The following DOCK10 variants were observed in gnomAD, a reference collection of about 807,000 sequenced individuals.
The protein encoded by DOCK10 is dedicator of cytokinesis 10.
In DOCK10, 145 loss-of-function variants were observed where a neutral mutation model predicts 280.1. The ratio of observed to expected loss-of-function variants is 0.52; its 90% CI spans 0.45 to 0.59. The LOEUF (loss-of-function observed/expected upper bound fraction) is 0.59. Among genes scored for constraint, DOCK10 ranks in the 20% least tolerant of loss-of-function variants. The pLI is 0.00. For synonymous variants in DOCK10, 915 were observed against 942.2 expected, an observed-to-expected ratio of 0.97 and a Z score of 0.53; for missense variants, 2,368 against 2,651.7, an observed-to-expected ratio of 0.89 and a Z score of 2.35.
chr2:225,025,591 T>C (rs1385141720), intron 1 of DOCK10, among the ~76,000 whole-genome samples: 2 of 152,176 alleles, frequency 1.3e-5, no homozygotes, highest in Non-Finnish European at 2.9e-5. Context: ...TTCCTCACAA[T>C]CACATTTCAT....
intron 4 of DOCK10, among the ~76,000 whole-genome samples, chr2:224,891,245 G>A (rs1192927250): frequency 6.6e-6 from 1 of 152,182 alleles, no homozygotes; most frequent in Non-Finnish European, 1.5e-5. Flanking sequence ...AACTTTTAAA[G>A]TGATGTGTGA....
At chr2:224,991,111 TG>T (rs1706117080) in intron 1 of DOCK10, among the ~76,000 whole-genome samples, 1 of 152,214 alleles carries the variant, frequency 6.6e-6, no homozygotes. Context: ...TGAAGGCAGG[TG>T]GGCTGAAAGC....
intron 31 of DOCK10, among the ~76,000 whole-genome samples, chr2:224,813,024 C>T (rs1418436580): frequency 6.6e-6 from 1 of 152,092 alleles, no homozygotes; most frequent in Non-Finnish European, 1.5e-5. Context: ...GGAGGATTCC[C>T]TCTTTTTCTA....
In DOCK10 at chr2:224,849,487, A is replaced by C. The variant is rs1696584431; in HGVS notation, c.2235+20T>G. ...ACCTTTCTTAGGAACCGCTGGGGGCAGTGGAGGGCTAGCTCTTACCTCATC... is the reference window on the plus strand; with the variant it reads ...ACCTTTCTTAGGAACCGCTGGGGGCCGTGGAGGGCTAGCTCTTACCTCATC... On this transcript the variant is annotated intron_variant, in intron 19 of 55. Coordinates refer to ENST00000258390, the MANE Select transcript of DOCK10 (RefSeq NM_014689.3). The C allele has an allele frequency of 6.4e-7, 1 of 1,567,298 alleles. No homozygotes were observed.
intron 1 of DOCK10, among the ~76,000 whole-genome samples, chr2:225,031,917 T>C (rs1690089581): frequency 6.6e-6 from 1 of 152,156 alleles, no homozygotes; most frequent in Non-Finnish European, 1.5e-5. Context: ...CCAGTCTCCA[T>C]TCCACTAGCC....
At chr2:224,846,616 C>G (rs1318254734) in intron 19 of DOCK10, among the ~76,000 whole-genome samples, 1 of 151,842 alleles carries the variant, frequency 6.6e-6, no homozygotes, top group African/African-American at 2.4e-5. Context: ...CCTGCCTCAG[C>G]CTCCCGAGTA....
At chr2:224,916,557 A>G in intron 3 of DOCK10, 138 bp downstream of exon 3, 1 of 562,290 alleles carries the variant, frequency 1.8e-6, no homozygotes, top group Non-Finnish European at 3.0e-6. Flanking sequence ...AAAAAAAAAA[A>G]AAAAAGACAT....
Position 224,976,878 on chromosome 2 carries a change from G to C in DOCK10, c.124-45210C>G, listed in dbSNP as rs574311592. On this transcript the variant is annotated intron_variant, in intron 1 of 55. Transcript: ENST00000258390. ...TTTGTTTTGTAACATTTAAAACTGT[G>C]AAAATCATTCTTAGCTCAAGCACTG... 4.6e-5 allele frequency among the ~76,000 whole-genome samples: 7 copies of C among 152,208 alleles called. No homozygotes were observed. The East Asian group carries it at 1.4e-3, about 29-fold the overall frequency.
chr2:224,797,262 T>C (rs1692646595), intron 42 of DOCK10, 116 bp from the exon 43 acceptor site: 1 of 770,744 alleles, frequency 1.3e-6, no homozygotes, highest in South Asian at 3.1e-5. Context: ...TTTAACTTGG[T>C]CTATTTTTTT....
chr2:224,972,983 T>C (rs543504040), intron 1 of DOCK10, among the ~76,000 whole-genome samples: 43 of 152,358 alleles, frequency 2.8e-4, no homozygotes, highest in Middle Eastern at 3.4e-3. Flanking sequence ...ATAAATAAGC[T>C]AACTTTGAAT....
intron 1 of DOCK10, among the ~76,000 whole-genome samples, chr2:224,947,812 C>T (rs2126108702): frequency 6.6e-6 from 1 of 152,276 alleles, no homozygotes; most frequent in South Asian, 2.1e-4. Flanking sequence ...CTTCCTCTAC[C>T]AGGCTGTATG....
intron 5 of DOCK10, 51 bp from the exon 6 acceptor site, chr2:224,886,236 C>G (rs903160390): frequency 4.4e-6 from 7 of 1,605,456 alleles, no homozygotes; most frequent in Non-Finnish European, 6.0e-6. Flanking sequence ...GATCCTAGAT[C>G]CTAGACACTG....
At chr2:224,974,789 C>CTAA (rs1440012602) in intron 1 of DOCK10, among the ~76,000 whole-genome samples, 1 of 70,576 alleles carries the variant, frequency 1.4e-5, no homozygotes, top group Non-Finnish European at 4.7e-5. Flanking sequence ...ATAATGTTCT[C>CTAA]TCTATATATA....
At position 224,886,125 on chromosome 2, in the gene DOCK10, T is replaced by G. The variant is rs555117087; in HGVS notation, c.550A>C (p.Lys184Gln). ...TTCCCCTTGTAGAGCCAGCCGGACT[T>G]GAAAACACCAGTTCCTCCCGCTCCT... ...GGGAGGTGVF[K>Q]SGWLYKGNFN... The change falls in exon 6 of 56, where the codon AAG (lysine) becomes CAG (glutamine). Residue 184 changes from lysine (K) to glutamine (Q), a missense_variant. Coordinates refer to ENST00000258390, the MANE Select transcript of DOCK10 (RefSeq NM_014689.3). 2 of 1,613,820 alleles carry G rather than the reference T, an allele frequency of 1.2e-6. No homozygotes were observed. The highest frequency in any genetic ancestry group is 1.7e-5 in the Admixed American group (1 of 59,994).
chr2:224,894,972 C>G (rs1187772733), intron 4 of DOCK10, among the ~76,000 whole-genome samples: 2 of 152,194 alleles, frequency 1.3e-5, no homozygotes, highest in Non-Finnish European at 2.9e-5. Context: ...CACACAGGGT[C>G]CCTTGCCTAA....
intron 1 of DOCK10, among the ~76,000 whole-genome samples, chr2:225,023,989 T>G (rs1027792491): frequency 2.0e-5 from 3 of 152,202 alleles, no homozygotes; most frequent in African/African-American, 7.2e-5. Context: ...CAAACTGACA[T>G]GTCCCTCCTG....
rs148979387 is a variant in DOCK10, at chr2:224,987,496, G to C, written c.123+54756C>G. ...ACCCCAAGAAGGGCAAATACTTCCA[G>C]AATACCTAGCATAGGTGTCAGCACC... On this transcript the variant is annotated intron_variant, in intron 1 of 55. Transcript: ENST00000258390. 8.5e-5 allele frequency among the ~76,000 whole-genome samples: 13 copies of C among 152,238 alleles called. No homozygotes were observed. In the East Asian group the frequency reaches 2.5e-3, roughly 29 times the overall value.
At chr2:224,901,308 T>G (rs1338103043) in intron 3 of DOCK10, among the ~76,000 whole-genome samples, 1 of 152,196 alleles carries the variant, frequency 6.6e-6, no homozygotes, top group Non-Finnish European at 1.5e-5. Context: ...CCCTACTGAC[T>G]TCCCAGCCCA....
intron 3 of DOCK10, among the ~76,000 whole-genome samples, chr2:224,908,184 A>ATGTGTATGTG (rs1700784152): frequency 2.7e-5 from 4 of 148,520 alleles, no homozygotes; most frequent in African/African-American, 9.9e-5. Flanking sequence ...GTGTGTGTGT[A>ATGTGTATGTG]TGTGTGTGTG....
Sources: gnomAD v4.1 joint callset for allele counts (sites outside exome capture counted in the v4.1 genomes callset) on GRCh38, gnomAD v4.1.1 for gene constraint, MANE v1.5 for transcripts, NCBI Gene and HGNC (gene_info 2026-07-23, HGNC 2026-07-21) for gene names.